SHOC1: variants seen among roughly 807,000 people sequenced by gnomAD.
SHOC1 encodes protein shortage in chiasmata 1 ortholog.
In SHOC1, 136 loss-of-function variants were observed where a neutral mutation model predicts 179.2. The ratio of observed to expected loss-of-function variants is 0.76; its 90% CI spans 0.66 to 0.87. The LOEUF (loss-of-function observed/expected upper bound fraction) is 0.87, where lower values mean the gene tolerates loss of function less well. Ranked by LOEUF, SHOC1 falls within the 40% of genes least tolerant of loss-of-function variation. SHOC1 has a pLI of 0.00. For missense variants in SHOC1, 1,538 were observed against 1,700.8 expected (o/e 0.90, Z 1.68); for synonymous variants, 489 against 586.6 (o/e 0.83, Z 2.41).
At chr9:111,687,499 TATA>T (rs1304116947) in intron 27 of SHOC1, among the ~76,000 whole-genome samples, 1 of 152,236 alleles carries the variant, frequency 6.6e-6, no homozygotes, top group African/African-American at 2.4e-5. Flanking sequence ...AATGAAAAGT[TATA>T]ATTCATAATC....
chr9:111,746,882 A>G (rs1002714798), intron 9 of SHOC1, among the ~76,000 whole-genome samples: 3 of 152,174 alleles, frequency 2.0e-5, no homozygotes, highest in African/African-American at 7.2e-5. Flanking sequence ...ATACATTAAT[A>G]GCTAAACTTT....
intron 17 of SHOC1, 105 bp from the exon 18 acceptor site, chr9:111,713,277 G>A (rs1832634849): frequency 1.7e-6 from 1 of 580,022 alleles, no homozygotes; most frequent in South Asian, 2.4e-5. Flanking sequence ...TGAAACTAAT[G>A]ACAATAAGAT....
chr9:111,734,147 T>A (rs1833715614), intron 12 of SHOC1, among the ~76,000 whole-genome samples: 1 of 152,228 alleles, frequency 6.6e-6, no homozygotes, highest in Non-Finnish European at 1.5e-5. Flanking sequence ...AACATTCATT[T>A]TTTTACAAAT....
rs756951460 is a variant in SHOC1, at chr9:111,728,064, TAAC to T, written c.1418-18_1418-16del. Reference sequence around the variant, plus strand: ...TTCTAGACATGCTGAAAACAGAAAATAACAACACACAAGTAACTTCCACACCTA... The same window carrying T: ...TTCTAGACATGCTGAAAACAGAAAATAACACACAAGTAACTTCCACACCTA... On this transcript the variant is annotated splice_polypyrimidine_tract_variant and intron_variant, in intron 12 of 27. Transcript: ENST00000682961. 5.9e-6 allele frequency: 9 copies of T among 1,532,096 alleles called. No individual in the cohort carries two copies. Among genetic ancestry groups the T allele is most frequent in the East Asian group, 2.3e-5 (1 of 43,996 alleles). 94.9% of individuals were successfully genotyped at this position (1,532,096 alleles called of 1,614,324 possible). A position where few individuals can be genotyped will look rare whatever the true frequency, so the allele number is the denominator to read the frequency against.
intron 3 of SHOC1, among the ~76,000 whole-genome samples, chr9:111,781,341 A>C (rs1294586763): frequency 6.6e-6 from 1 of 152,158 alleles, no homozygotes; most frequent in African/African-American, 2.4e-5. Flanking sequence ...GCTTCTATTA[A>C]CCATTCCAGC....
At chr9:111,732,580 AATG>A (rs1833628224) in intron 12 of SHOC1, among the ~76,000 whole-genome samples, 5 of 152,212 alleles carry the variant, frequency 3.3e-5, no homozygotes, top group Admixed American at 3.3e-4. Flanking sequence ...AATAAAAATA[AATG>A]AACTAGTGAT....
At chr9:111,749,157 A>G (rs1161116317) in intron 8 of SHOC1, among the ~76,000 whole-genome samples, 1 of 151,848 alleles carries the variant, frequency 6.6e-6, no homozygotes, top group African/African-American at 2.4e-5. Context: ...AAAGACATAG[A>G]CTTTGTATTT....
chr9:111,711,473 T>C (rs1832546632), intron 18 of SHOC1, among the ~76,000 whole-genome samples: 2 of 152,266 alleles, frequency 1.3e-5, no homozygotes, highest in Admixed American at 1.3e-4. Flanking sequence ...TGGGGGTCTA[T>C]TAACAGGAAC....
rs1177367844 is a variant in SHOC1 at position 111,713,099 on chromosome 9, C to T, written c.2488+1G>A. ...ATGAAGCATAATTTAAAACTGCCTA[C>T]CTTCTATTTTGTTAAGAATTTTAAT... On this transcript the variant is annotated splice_donor_variant, in intron 18 of 27. Coordinates refer to ENST00000682961, the MANE Select transcript of SHOC1 (RefSeq NM_001378211.1). LOFTEE classifies it high-confidence loss of function. The T allele has an allele frequency of 1.9e-6, 3 of 1,545,938 alleles. No homozygotes were observed. The highest frequency in any genetic ancestry group is 2.7e-6 in the Non-Finnish European group (3 of 1,123,464).
chr9:111,718,941 A>G (rs1589403346), intron 15 of SHOC1, among the ~76,000 whole-genome samples: 1 of 152,296 alleles, frequency 6.6e-6, no homozygotes, highest in Middle Eastern at 3.4e-3. Flanking sequence ...TAACCAGAGA[A>G]GCTCTACTTT....
In SHOC1 at chr9:111,746,255, G is replaced by C. The variant is rs374646246; in HGVS notation, c.1058C>G (p.Pro353Arg). The C allele has an allele frequency of 1.9e-6, 3 of 1,604,924 alleles. No individual in the cohort carries two copies. Among genetic ancestry groups the C allele is most frequent in the African/African-American group, 2.7e-5 (2 of 74,680 alleles). ...TTACATTTTACAAACCGGAGATAAT[G>C]GAAATGTCTGAAGTTCTGTACGTAA... is the stretch of plus-strand genomic sequence containing the variant. ...NSLRTELQTF[P>R]LSPVCKINLL... Residue 353 changes from proline to arginine, a missense_variant, in exon 10 of 28, where the codon CCA becomes CGA. Pro to Arg is a moderately radical substitution (Grantham distance 103). Transcript: ENST00000682961.
chr9:111,742,159 A>G (rs563962986), intron 10 of SHOC1, among the ~76,000 whole-genome samples: 1 of 152,348 alleles, frequency 6.6e-6, no homozygotes, highest in East Asian at 1.9e-4. Context: ...ACCTGGAGCC[A>G]GAGAGGGCTG....
intron 15 of SHOC1, 75 bp downstream of exon 15, chr9:111,722,334 C>T: frequency 7.2e-7 from 1 of 1,395,564 alleles, no homozygotes. Context: ...ATCTTCTATA[C>T]CCAATTTTTA....
intron 5 of SHOC1, among the ~76,000 whole-genome samples, chr9:111,764,396 A>C (rs934568738): frequency 2.6e-5 from 4 of 152,234 alleles, no homozygotes; most frequent in Admixed American, 2.0e-4. Flanking sequence ...TGGTACTATC[A>C]GTGATTTCAT....
chr9:111,692,278 A>G lies in SHOC1; in HGVS notation c.3699T>C (p.Ile1233=). The stretch of plus-strand genomic sequence containing the variant: ...AACTTGAGATTTCTTTTAGTTCCAT[A>G]ATGGAAGAGTTGTCATTCAAAATGG... The part of the protein sequence containing the change: ...KTTILNDNSS[I]MELKEISSFL... The change falls in exon 27 of 28, where the codon ATT becomes ATC. Residue 1233 remains isoleucine, a synonymous_variant. Coordinates refer to ENST00000682961, the MANE Select transcript of SHOC1 (RefSeq NM_001378211.1). The G allele has an allele frequency of 6.2e-7, 1 of 1,613,536 alleles. No homozygotes were observed. The highest frequency in any genetic ancestry group is 1.3e-5 in the African/African-American group (1 of 75,016).
chr9:111,696,287 T>C (rs1397800371), intron 24 of SHOC1, among the ~76,000 whole-genome samples: 2 of 152,180 alleles, frequency 1.3e-5, no homozygotes, highest in African/African-American at 4.8e-5. Context: ...TTCAGATGCC[T>C]GAAAATAAAA....
chr9:111,758,073 A>C lies in SHOC1; in HGVS notation c.708+11T>G, dbSNP rs1207303451. 1 of 1,320,296 alleles carries C rather than the reference A, an allele frequency of 7.6e-7. No individual in the cohort carries two copies. The highest frequency in any genetic ancestry group is 1.1e-6 in the Non-Finnish European group (1 of 947,926). 81.8% of individuals were successfully genotyped at this position (1,320,296 alleles called of 1,614,324 possible). ...TTTTACTAAAATATTATTGAAAGCC[A>C]GTATTACAACCTCATTTAAACATAT... On this transcript the variant is annotated intron_variant, in intron 7 of 27. Transcript: ENST00000682961.
In SHOC1 at chr9:111,758,765, T is replaced by G; in HGVS notation, c.526A>C (p.Lys176Gln). ...PTLPTLLSRL[K>Q]LFLVKDPLLD... ...AGAGGATCCTTTACCAAAAACAGTTTTAGTCTACTCAAGAGAGTAGGCAAA... is the reference window on the plus strand; with the variant it reads ...AGAGGATCCTTTACCAAAAACAGTTGTAGTCTACTCAAGAGAGTAGGCAAA... The change falls in exon 6 of 28, where the codon AAA (lysine) becomes CAA (glutamine). Residue 176 changes from lysine to glutamine, a missense_variant. Lys to Gln is a moderately conservative substitution (Grantham distance 53, BLOSUM62 1). Transcript: ENST00000682961. 6.2e-7 allele frequency: 1 copy of G among 1,603,930 alleles called. No individual in the cohort carries two copies. Among genetic ancestry groups the G allele is most frequent in the South Asian group, 1.1e-5 (1 of 88,714 alleles).
chr9:111,742,133 T>TA (rs1834073644), intron 10 of SHOC1, among the ~76,000 whole-genome samples: 1 of 152,152 alleles, frequency 6.6e-6, no homozygotes, highest in Non-Finnish European at 1.5e-5. Context: ...CTCCCACCTC[T>TA]ACCTCCCTCA....
Sources: gnomAD v4.1 joint callset for allele counts (sites outside exome capture counted in the v4.1 genomes callset) on GRCh38, gnomAD v4.1.1 for gene constraint, MANE v1.5 for transcripts, NCBI Gene and HGNC (gene_info 2026-07-23, HGNC 2026-07-21) for gene names.